OLA1: variants seen among roughly 807,000 people sequenced by gnomAD.
OLA1 encodes obg-like ATPase 1.
A neutral mutation model predicts 48.4 loss-of-function variants in OLA1; 14 were observed. The observed-to-expected ratio is 0.29, with a 90% confidence interval of 0.19 to 0.45. The LOEUF (loss-of-function observed/expected upper bound fraction) is 0.45. Ranked by LOEUF, OLA1 falls within the 20% of genes least tolerant of loss-of-function variation. OLA1 has a pLI of 1.00. For missense variants in OLA1, 325 were observed against 467.1 expected (o/e 0.70, Z 2.80); for synonymous variants, 127 against 150.4 (o/e 0.84, Z 1.14).
chr2:174,184,973 G>C (rs922528673), intron 4 of OLA1, among the ~76,000 whole-genome samples: 2 of 152,198 alleles, frequency 1.3e-5, no homozygotes, highest in Non-Finnish European at 2.9e-5. Context: ...GGCTATGGAA[G>C]TGAAAGGGAT....
At chr2:174,077,325 C>CAT (rs576263525) in intron 10 of OLA1, among the ~76,000 whole-genome samples, 2 of 88,356 alleles carry the variant, frequency 2.3e-5, no homozygotes, top group East Asian at 4.4e-4. Flanking sequence ...AATACATATA[C>CAT]ATACATACAT....
chr2:174,220,602 TC>T (rs1203104684), intron 4 of OLA1, among the ~76,000 whole-genome samples: 1 of 152,130 alleles, frequency 6.6e-6, no homozygotes, highest in Non-Finnish European at 1.5e-5. Context: ...CTTATAAGAG[TC>T]AAATCAGTCA....
At chr2:174,085,268 C>G (rs185937297) in intron 7 of OLA1, among the ~76,000 whole-genome samples, 1 of 152,270 alleles carries the variant, frequency 6.6e-6, no homozygotes, top group East Asian at 1.9e-4. Context: ...TGGACTGGTA[C>G]CAGGCCATGG....
intron 7 of OLA1, among the ~76,000 whole-genome samples, chr2:174,117,137 A>C (rs998585174): frequency 6.6e-6 from 1 of 152,158 alleles, no homozygotes; most frequent in African/African-American, 2.4e-5. Flanking sequence ...ACATGTAATA[A>C]ATTTTGTTCC....
chr2:174,082,137 A>G, intron 7 of OLA1, 73 bp from the exon 8 acceptor site: 18 of 1,495,074 alleles, frequency 1.2e-5, no homozygotes, highest in Non-Finnish European at 1.7e-5. Flanking sequence ...ATTATCAAGT[A>G]GCACATACAT....
intron 4 of OLA1, among the ~76,000 whole-genome samples, chr2:174,181,411 T>C (rs1289565770): frequency 6.6e-6 from 1 of 152,172 alleles, no homozygotes; most frequent in Non-Finnish European, 1.5e-5. Flanking sequence ...TTTTCTTTTA[T>C]GTTCATTTTT....
Position 174,072,873 on chromosome 2 carries a change from C to T in OLA1, c.*2553G>A, listed in dbSNP as rs1684634287. ...ACTATTTGTGCTTCCTTGGGAGATCCGGCTCTGCTCTGAGCCATATGCAAA... is the reference window on the plus strand; with the variant it reads ...ACTATTTGTGCTTCCTTGGGAGATCTGGCTCTGCTCTGAGCCATATGCAAA... On this transcript the variant is annotated 3_prime_UTR_variant, in exon 11 of 11. Transcript: ENST00000284719. 6.6e-6 allele frequency: 1 copy of T among 152,202 alleles called. No homozygotes were observed. Among genetic ancestry groups the T allele is most frequent in the African/African-American group, 2.4e-5 (1 of 41,434 alleles). 9.4% of individuals were successfully genotyped at this position (152,202 alleles called of 1,614,324 possible). A position where few individuals can be genotyped will look rare whatever the true frequency, so the allele number is the denominator to read the frequency against.
At chr2:174,200,327 A>G (rs967885154) in intron 4 of OLA1, among the ~76,000 whole-genome samples, 1 of 152,184 alleles carries the variant, frequency 6.6e-6, no homozygotes, top group African/African-American at 2.4e-5. Flanking sequence ...CCATAGGAAG[A>G]CAGGTGGATG....
rs79797027 is a variant in OLA1 at position 174,135,891 on chromosome 2, A to G, written c.549+5934T>C. Among the ~76,000 whole-genome samples the G allele has an allele frequency of 5.9e-4, 90 of 152,380 alleles. 2 individuals are homozygous for G. The East Asian group carries it at 0.015, about 25-fold the overall frequency. ...TAAAGCAAGTAAAAGTAAGTGCAAT[A>G]AAGTGAGTATCGCTATAAAGCAAGT... On this transcript the variant is annotated intron_variant, in intron 5 of 10. Coordinates refer to ENST00000284719, the MANE Select transcript of OLA1 (RefSeq NM_013341.5).
intron 5 of OLA1, among the ~76,000 whole-genome samples, chr2:174,131,454 C>T (rs908493040): frequency 1.3e-5 from 2 of 152,074 alleles, no homozygotes; most frequent in Non-Finnish European, 2.9e-5. Context: ...TTTGTGCATG[C>T]ATTTCTCTTG....
chr2:174,169,296 GA>G (rs1292393483), intron 4 of OLA1, among the ~76,000 whole-genome samples: 3 of 150,474 alleles, frequency 2.0e-5, no homozygotes, highest in East Asian at 1.9e-4. Context: ...GAGATGGGGA[GA>G]AAAAAAAACT....
At chr2:174,096,643 T>A (rs552725185) in intron 7 of OLA1, among the ~76,000 whole-genome samples, 1 of 152,098 alleles carries the variant, frequency 6.6e-6, no homozygotes, top group Non-Finnish European at 1.5e-5. Context: ...GGGGAAGCCA[T>A]TTAAGCCTCC....
intron 8 of OLA1, 31 bp from the exon 9 acceptor site, chr2:174,081,279 A>G: frequency 6.5e-7 from 1 of 1,542,064 alleles, no homozygotes. Flanking sequence ...TTCACCCAAC[A>G]CATAAGTTGA....
intron 4 of OLA1, among the ~76,000 whole-genome samples, chr2:174,196,916 G>A (rs1687889558): frequency 6.6e-6 from 1 of 152,062 alleles, no homozygotes; most frequent in Non-Finnish European, 1.5e-5. Context: ...TTAATGCTGG[G>A]CTAAAAATGT....
intron 7 of OLA1, among the ~76,000 whole-genome samples, chr2:174,090,211 A>C (rs1685083251): frequency 6.6e-6 from 1 of 152,192 alleles, no homozygotes; most frequent in Non-Finnish European, 1.5e-5. Flanking sequence ...TTTCTTTTGC[A>C]GCATATAAAA....
intron 4 of OLA1, among the ~76,000 whole-genome samples, chr2:174,168,055 G>A (rs1687209048): frequency 1.3e-5 from 2 of 152,154 alleles, no homozygotes; most frequent in East Asian, 1.9e-4. Context: ...TCAAAGAAGG[G>A]GAATTATATG....
chr2:174,198,938 C>T (rs1559000896), intron 4 of OLA1, among the ~76,000 whole-genome samples: 1 of 152,160 alleles, frequency 6.6e-6, no homozygotes, highest in Non-Finnish European at 1.5e-5. Context: ...GAATCAAGGT[C>T]ATATTGTACT....
intron 7 of OLA1, among the ~76,000 whole-genome samples, chr2:174,099,925 C>T (rs1468488106): frequency 6.6e-6 from 1 of 152,140 alleles, no homozygotes. Flanking sequence ...CTTATCTTTC[C>T]ATTGTAATCA....
At chr2:174,109,000 C>T (rs1037937437) in intron 7 of OLA1, among the ~76,000 whole-genome samples, 1 of 152,134 alleles carries the variant, frequency 6.6e-6, no homozygotes, top group African/African-American at 2.4e-5. Flanking sequence ...TATCTTCCAT[C>T]AGAAATGGCT....
Sources: gnomAD v4.1 joint callset for allele counts (sites outside exome capture counted in the v4.1 genomes callset) on GRCh38, gnomAD v4.1.1 for gene constraint, MANE v1.5 for transcripts, NCBI Gene and HGNC (gene_info 2026-07-23, HGNC 2026-07-21) for gene names.